Variants in EXOC4 observed in about 807,000 individuals in gnomAD.
EXOC4 encodes exocyst complex component 4.
EXOC4 carries 71 observed loss-of-function variants against 107.2 expected under a neutral mutation model. The ratio of observed to expected loss-of-function variants is 0.66; its 90% CI spans 0.55 to 0.81. EXOC4 has a LOEUF of 0.81. Among genes scored for constraint, EXOC4 ranks in the 30% least tolerant of loss-of-function variants. The pLI, the probability that EXOC4 is intolerant of heterozygous loss-of-function variation, is 0.00. For missense variants in EXOC4, 1,108 were observed against 1,189.6 expected (o/e 0.93, Z 1.01); for synonymous variants, 456 against 441.2 (o/e 1.03, Z -0.42).
chr7:133,566,899 C>G (rs1800916993), intron 9 of EXOC4, among the ~76,000 whole-genome samples: 1 of 152,064 alleles, frequency 6.6e-6, no homozygotes, highest in African/African-American at 2.4e-5. Flanking sequence ...ACTAAAGGTT[C>G]AGAATATCTC....
chr7:133,399,422 C>T (rs1007065178), intron 7 of EXOC4, among the ~76,000 whole-genome samples: 6 of 152,218 alleles, frequency 3.9e-5, no homozygotes, highest in Non-Finnish European at 7.3e-5. Context: ...GTACCAGCAT[C>T]ACTCGTTCAT....
At chr7:134,024,968 A>G (rs1218296240) in intron 17 of EXOC4, among the ~76,000 whole-genome samples, 1 of 152,174 alleles carries the variant, frequency 6.6e-6, no homozygotes, top group African/African-American at 2.4e-5. Context: ...TCACAAAACT[A>G]TCTTTGAAGA....
At chr7:133,917,096 G>A (rs1459342665) in intron 12 of EXOC4, among the ~76,000 whole-genome samples, 1 of 152,174 alleles carries the variant, frequency 6.6e-6, no homozygotes, top group Non-Finnish European at 1.5e-5. Context: ...GCTGTGAAGA[G>A]AGGGGTGTCC....
chr7:133,553,802 T>C (rs570800444), intron 9 of EXOC4, among the ~76,000 whole-genome samples: 10 of 152,284 alleles, frequency 6.6e-5, no homozygotes, highest in African/African-American at 2.2e-4. Flanking sequence ...AGGTTTTATT[T>C]TGCTGTTGGA....
intron 11 of EXOC4, among the ~76,000 whole-genome samples, chr7:133,832,246 G>GT (rs1201246055): frequency 1.3e-5 from 2 of 152,144 alleles, no homozygotes; most frequent in African/African-American, 2.4e-5. Context: ...TTACACATTT[G>GT]TAATAGTTAG....
At chr7:133,706,276 A>G (rs937559138) in intron 10 of EXOC4, among the ~76,000 whole-genome samples, 1 of 152,242 alleles carries the variant, frequency 6.6e-6, no homozygotes, top group Non-Finnish European at 1.5e-5. Flanking sequence ...AAATATCCAG[A>G]TAAGTAATTT....
intron 10 of EXOC4, among the ~76,000 whole-genome samples, chr7:133,671,956 G>A (rs1793956028): frequency 6.6e-6 from 1 of 152,168 alleles, no homozygotes; most frequent in African/African-American, 2.4e-5. Flanking sequence ...GCAGCTAGTT[G>A]AAGTACATGA....
At chr7:133,311,438 TG>T (rs1211642248) in intron 4 of EXOC4, among the ~76,000 whole-genome samples, 1 of 152,114 alleles carries the variant, frequency 6.6e-6, no homozygotes, top group African/African-American at 2.4e-5. Flanking sequence ...ATAGTTCAGC[TG>T]GGGGGTAATG....
chr7:133,266,784 G>A (rs1009373969), intron 1 of EXOC4, among the ~76,000 whole-genome samples: 2 of 152,176 alleles, frequency 1.3e-5, no homozygotes, highest in African/African-American at 2.4e-5. Context: ...TCAGAAGATT[G>A]TTAAGGACAT....
chr7:133,300,342 A>G (rs1794615252), intron 3 of EXOC4, among the ~76,000 whole-genome samples: 2 of 152,246 alleles, frequency 1.3e-5, no homozygotes, highest in Non-Finnish European at 1.5e-5. Context: ...AAGCTTGGCC[A>G]TAGGGAGCCA....
At chr7:133,391,628 A>G (rs1796855842) in intron 7 of EXOC4, among the ~76,000 whole-genome samples, 1 of 152,206 alleles carries the variant, frequency 6.6e-6, no homozygotes, top group African/African-American at 2.4e-5. Context: ...AAGAGATGTT[A>G]ACCTTTTCAG....
intron 7 of EXOC4, among the ~76,000 whole-genome samples, chr7:133,385,198 G>A (rs1405506517): frequency 6.6e-6 from 1 of 152,176 alleles, no homozygotes; most frequent in Non-Finnish European, 1.5e-5. Context: ...TTGGTATCAC[G>A]TCTACTGTGT....
At chr7:133,551,697 G>A (rs1200670481) in intron 9 of EXOC4, 1 of 152,036 alleles carries the variant, frequency 6.6e-6, no homozygotes, top group East Asian at 1.9e-4. Flanking sequence ...GCTGCTTTTG[G>A]GGTTTATACC....
At chr7:133,592,099 T>G (rs2150979071) in intron 9 of EXOC4, among the ~76,000 whole-genome samples, 1 of 152,320 alleles carries the variant, frequency 6.6e-6, no homozygotes, top group Non-Finnish European at 1.5e-5. Context: ...CTTTGCTCTC[T>G]TGCCCAGACT....
intron 11 of EXOC4, among the ~76,000 whole-genome samples, chr7:133,834,064 T>C (rs1020684024): frequency 1.3e-5 from 2 of 152,174 alleles, no homozygotes; most frequent in Non-Finnish European, 2.9e-5. Context: ...AGATATAATA[T>C]AATCTCAGAG....
intron 14 of EXOC4, among the ~76,000 whole-genome samples, chr7:133,983,926 T>C (rs1794053954): frequency 6.6e-6 from 1 of 152,166 alleles, no homozygotes; most frequent in Admixed American, 6.5e-5. Flanking sequence ...AGGAGCTGAA[T>C]TGGCCACACC....
At chr7:133,999,822 A>T (rs1433990028) in intron 15 of EXOC4, among the ~76,000 whole-genome samples, 2 of 152,168 alleles carry the variant, frequency 1.3e-5, no homozygotes, top group African/African-American at 2.4e-5. Context: ...TTTGAATAAG[A>T]TCTTTTAAAT....
chr7:133,527,413 AT>A (rs1277790115), intron 9 of EXOC4, among the ~76,000 whole-genome samples: 5 of 152,156 alleles, frequency 3.3e-5, no homozygotes, highest in East Asian at 3.8e-4. Flanking sequence ...TCCAAAAAAA[AT>A]AAAATAAAAT....
chr7:133,978,835 T>G (rs1793904277), intron 14 of EXOC4, among the ~76,000 whole-genome samples: 1 of 152,186 alleles, frequency 6.6e-6, no homozygotes, highest in Non-Finnish European at 1.5e-5. Context: ...TACACAGCTT[T>G]TGGGAGTACA....
Sources: allele counts gnomAD v4.1 joint callset (sites outside exome capture counted in the v4.1 genomes callset), GRCh38; gene constraint gnomAD v4.1.1; transcripts MANE v1.5; gene names NCBI Gene and HGNC (gene_info 2026-07-23, HGNC 2026-07-21).